DYM: variants seen among roughly 807,000 people sequenced by gnomAD.
DYM encodes dyggve-Melchior-Clausen syndrome protein.
DYM carries 78 observed loss-of-function variants against 93.1 expected under a neutral mutation model. That is an observed-to-expected ratio of 0.84 (90% CI 0.70 to 1.01). The LOEUF (loss-of-function observed/expected upper bound fraction) is 1.01. DYM is among the 50% of genes least tolerant of loss of function. The pLI, the probability that DYM is intolerant of heterozygous loss-of-function variation, is 0.00. For synonymous variants in DYM, 321 were observed against 319.7 expected, an observed-to-expected ratio of 1.00 and a Z score of -0.04; for missense variants, 789 against 845.0, an observed-to-expected ratio of 0.93 and a Z score of 0.82.
Position 49,061,369 on chromosome 18 carries a change from G to A in DYM, c.2026-17165C>T, listed in dbSNP as rs2075972893. On this transcript the variant is annotated intron_variant, in intron 17 of 17. Coordinates refer to ENST00000675505, the MANE Select transcript of DYM (RefSeq NM_001353214.3). Reference sequence around the variant, plus strand: ...GAGGAATAATAGAAGCACAGACAGGGAGACAGAAAAGCACAAGGGTGCCCA... The same window carrying A: ...GAGGAATAATAGAAGCACAGACAGGAAGACAGAAAAGCACAAGGGTGCCCA... Among the ~76,000 whole-genome samples the A allele has an allele frequency of 3.3e-5, 5 of 152,288 alleles. No individual in the cohort carries two copies. In the South Asian group the frequency reaches 1.0e-3, roughly 32 times the overall value.
At chr18:49,061,405 G>C (rs761910590) in intron 17 of DYM, among the ~76,000 whole-genome samples, 23 of 152,282 alleles carry the variant, frequency 1.5e-4, no homozygotes, top group Admixed American at 6.5e-4. Flanking sequence ...CGGACCAGCC[G>C]GTGTGTTTGA....
At chr18:49,441,618 A>G (rs1047531918) in intron 1 of DYM, among the ~76,000 whole-genome samples, 2 of 151,790 alleles carry the variant, frequency 1.3e-5, no homozygotes, top group Non-Finnish European at 2.9e-5. Flanking sequence ...AAAGAAAGAT[A>G]TAAACCCACA....
At chr18:49,081,890 T>C (rs833497) in intron 17 of DYM, among the ~76,000 whole-genome samples, 25,375 of 152,184 alleles carry the variant, frequency 0.17, 2,777 homozygotes, top group East Asian at 0.34. Flanking sequence ...AGGCTGAAAG[T>C]GTCAGGAAGT....
intron 2 of DYM, among the ~76,000 whole-genome samples, chr18:49,426,370 G>C (rs1054164721): frequency 7.6e-6 from 1 of 131,820 alleles, no homozygotes; most frequent in African/African-American, 2.9e-5. Context: ...CACAGGGTGG[G>C]GAACATCACA....
chr18:49,452,803 T>G lies in DYM; in HGVS notation c.-54+7595A>C, dbSNP rs1600388377. On this transcript the variant is annotated intron_variant, in intron 1 of 17. Transcript: ENST00000675505. Reference sequence around the variant, plus strand: ...CGGCCCTGGTGCAGGATCCACCAGGTGAAGCCAGCTGGGCTCCTGAGTCTA... The same window carrying G: ...CGGCCCTGGTGCAGGATCCACCAGGGGAAGCCAGCTGGGCTCCTGAGTCTA... Among the ~76,000 whole-genome samples, 2 of 135,018 alleles carry G rather than the reference T, an allele frequency of 1.5e-5. 1 individual carries two copies. Among genetic ancestry groups the G allele is most frequent in the African/African-American group, 5.8e-5 (2 of 34,616 alleles). 88.6% of individuals were successfully genotyped at this position (135,018 alleles called of 152,430 possible).
At chr18:49,052,883 C>A (rs1278682571) in intron 17 of DYM, among the ~76,000 whole-genome samples, 1 of 152,214 alleles carries the variant, frequency 6.6e-6, no homozygotes, top group Non-Finnish European at 1.5e-5. Flanking sequence ...TCAGCTAGAA[C>A]TGGCTGGCAC....
intron 1 of DYM, among the ~76,000 whole-genome samples, chr18:49,451,414 C>A (rs546461342): frequency 5.3e-5 from 8 of 152,052 alleles, no homozygotes; most frequent in African/African-American, 1.4e-4. Flanking sequence ...ATGGGAAGAA[C>A]TGGCCTCATA....
At chr18:49,400,644 G>GTTAGTTATTTC (rs1371790739) in intron 2 of DYM, among the ~76,000 whole-genome samples, 1 of 152,160 alleles carries the variant, frequency 6.6e-6, no homozygotes, top group African/African-American at 2.4e-5. Flanking sequence ...ACTCTGAAGT[G>GTTAGTTATTTC]TTAGTTATTT....
intron 8 of DYM, among the ~76,000 whole-genome samples, chr18:49,304,503 G>A (rs2061153915): frequency 6.6e-6 from 1 of 152,108 alleles, no homozygotes; most frequent in African/African-American, 2.4e-5. Context: ...GTCAACCTCA[G>A]CCTCCTTGAA....
intron 1 of DYM, among the ~76,000 whole-genome samples, chr18:49,440,454 A>C (rs1188488686): frequency 1.0e-5 from 1 of 97,396 alleles, no homozygotes; most frequent in Non-Finnish European, 2.0e-5. Flanking sequence ...TATATATTAT[A>C]TATTTATATA....
intron 17 of DYM, among the ~76,000 whole-genome samples, chr18:49,082,344 GT>G (rs1264915610): frequency 1.3e-5 from 2 of 152,230 alleles, no homozygotes; most frequent in Non-Finnish European, 2.9e-5. Flanking sequence ...AAGTAGTTGT[GT>G]TTCATATTAT....
rs547124153 is a variant in DYM at position 49,125,152 on chromosome 18, C to G, written c.1729-6226G>C. On this transcript the variant is annotated intron_variant, in intron 15 of 17. Coordinates refer to ENST00000675505, the MANE Select transcript of DYM (RefSeq NM_001353214.3). Reference sequence around the variant, plus strand: ...GCACACACCTGTAATCCCAGCTACTCAGGAGGCTGAGGCAGGAGAATCACT... The same window carrying G: ...GCACACACCTGTAATCCCAGCTACTGAGGAGGCTGAGGCAGGAGAATCACT... 4.6e-5 allele frequency among the ~76,000 whole-genome samples: 7 copies of G among 152,180 alleles called. No homozygotes were observed. In the South Asian group the frequency reaches 1.5e-3, roughly 32 times the overall value.
intron 2 of DYM, among the ~76,000 whole-genome samples, chr18:49,417,079 T>C (rs1158448938): frequency 6.6e-6 from 1 of 152,178 alleles, no homozygotes; most frequent in Non-Finnish European, 1.5e-5. Flanking sequence ...CTAGAAGTCA[T>C]CTGGCCACGT....
intron 15 of DYM, among the ~76,000 whole-genome samples, chr18:49,143,315 A>G (rs1476435290): frequency 6.6e-6 from 1 of 152,174 alleles, no homozygotes; most frequent in Admixed American, 6.5e-5. Flanking sequence ...TGCAATGAAA[A>G]GAGAATTTTA....
At chr18:49,439,513 T>TA (rs1162786453) in intron 1 of DYM, among the ~76,000 whole-genome samples, 1 of 152,170 alleles carries the variant, frequency 6.6e-6, no homozygotes, top group Non-Finnish European at 1.5e-5. Flanking sequence ...AATCAGGCCT[T>TA]ACACTTCTTC....
chr18:49,317,725 T>A (rs998304464), intron 8 of DYM, among the ~76,000 whole-genome samples: 4 of 147,416 alleles, frequency 2.7e-5, no homozygotes, highest in African/African-American at 7.6e-5. Flanking sequence ...TCGTGCCTCA[T>A]CCTCCCAAGT....
chr18:49,447,167 G>A (rs2082162205), intron 1 of DYM: 1 of 152,216 alleles, frequency 6.6e-6, no homozygotes, highest in South Asian at 2.1e-4. Context: ...GTGAAGCCCT[G>A]TGGTTAAGAA....
chr18:49,312,998 C>A (rs1157411125), intron 8 of DYM, among the ~76,000 whole-genome samples: 1 of 152,118 alleles, frequency 6.6e-6, no homozygotes, highest in East Asian at 1.9e-4. Flanking sequence ...TGTAATTAAT[C>A]CTTGAAGCTA....
intron 14 of DYM, among the ~76,000 whole-genome samples, chr18:49,197,536 A>G (rs2091579200): frequency 1.3e-5 from 2 of 152,126 alleles, no homozygotes; most frequent in African/African-American, 2.4e-5. Flanking sequence ...CTTGAAAAAA[A>G]GAAAAACCCC....
Sources: gnomAD v4.1 joint callset for allele counts (sites outside exome capture counted in the v4.1 genomes callset) on GRCh38, gnomAD v4.1.1 for gene constraint, MANE v1.5 for transcripts, NCBI Gene and HGNC (gene_info 2026-07-23, HGNC 2026-07-21) for gene names.